The following CYP20A1 variants were observed in gnomAD, a reference collection of about 807,000 sequenced individuals.
CYP20A1 encodes cytochrome P450 family 20 subfamily A member 1.
Under a neutral mutation model 61.4 loss-of-function variants are expected in CYP20A1, and 61 were observed. The observed-to-expected ratio is 0.99, with a 90% confidence interval of 0.81 to 1.23. The LOEUF (loss-of-function observed/expected upper bound fraction) is 1.23. Among genes scored for constraint, CYP20A1 ranks in the 50% most tolerant of loss-of-function variants. CYP20A1 has a pLI of 0.00. For missense variants in CYP20A1, 530 were observed against 542.4 expected (o/e 0.98, Z 0.23); for synonymous variants, 193 against 188.2 (o/e 1.03, Z -0.21).
At position 203,251,815 on chromosome 2, in the gene CYP20A1, A is replaced by ATG. The variant is rs1553514006; in HGVS notation, c.290-151_290-150insGT. On this transcript the variant is annotated intron_variant, in intron 3 of 12. Transcript: ENST00000356079. Reference sequence around the variant, plus strand: ...TGTGTATATATATATATATATATATATAAAAAATAAAAAATAAAAACAAGG... The same window carrying ATG: ...TGTGTATATATATATATATATATATATGTAAAAAATAAAAAATAAAAACAAGG... 90 of 89,708 alleles carry ATG rather than the reference A, an allele frequency of 1.0e-3. 7 individuals carry two copies. The highest frequency in any genetic ancestry group is 1.8e-3 in the African/African-American group (55 of 30,828). The allele number at this position is 89,708 out of a possible 1,614,324, so 5.6% of individuals were successfully genotyped here.
intron 3 of CYP20A1, among the ~76,000 whole-genome samples, chr2:203,250,136 C>G (rs1207851577): frequency 6.6e-6 from 1 of 152,024 alleles, no homozygotes; most frequent in Non-Finnish European, 1.5e-5. Flanking sequence ...ATAAATTGAT[C>G]ATCACAGATG....
At chr2:203,244,388 G>A (rs920226613) in intron 1 of CYP20A1, among the ~76,000 whole-genome samples, 8 of 151,994 alleles carry the variant, frequency 5.3e-5, no homozygotes, top group African/African-American at 1.9e-4. Context: ...TTTTAGTACA[G>A]ATGGGGTTGC....
chr2:203,261,722 G>A (rs1320227743), intron 4 of CYP20A1, among the ~76,000 whole-genome samples: 1 of 151,448 alleles, frequency 6.6e-6, no homozygotes, highest in Non-Finnish European at 1.5e-5. Context: ...CAGGCTTCTT[G>A]GAGGAGCCAC....
chr2:203,246,897 C>T lies in CYP20A1; in HGVS notation c.265C>T (p.Gln89Ter), dbSNP rs763740914. ...VSLGTVDVLK[Q>*]HINPNKTSDP... is the part of the protein sequence containing the mutation. ...TTTGGGCACTGTTGATGTACTGAAG[C>T]AGCATATCAATCCCAATAAGACATG... The change falls in exon 3 of 13, where the codon CAG becomes TAG. Residue 89 changes from glutamine to a stop codon, truncating the protein, a stop_gained. Coordinates refer to ENST00000356079, the MANE Select transcript of CYP20A1 (RefSeq NM_177538.3). LOFTEE classifies it high-confidence loss of function. The T allele has an allele frequency of 1.9e-5, 31 of 1,613,402 alleles. No individual in the cohort carries two copies. Among genetic ancestry groups the T allele is most frequent in the Non-Finnish European group, 2.5e-5 (29 of 1,179,918 alleles).
intron 8 of CYP20A1, 36 bp from the exon 9 acceptor site, chr2:203,285,576 C>T (rs1402034246): frequency 2.0e-6 from 3 of 1,497,248 alleles, no homozygotes; most frequent in African/African-American, 1.4e-5. Context: ...CATGAGTTAG[C>T]TATTTTCATT....
At chr2:203,289,115 T>C (rs1449844648) in intron 9 of CYP20A1, among the ~76,000 whole-genome samples, 1 of 152,198 alleles carries the variant, frequency 6.6e-6, no homozygotes, top group African/African-American at 2.4e-5. Flanking sequence ...TCTGCTCTCA[T>C]TCTTTTTCAT....
chr2:203,270,932 A>G lies in CYP20A1; in HGVS notation c.601-1738A>G, dbSNP rs111656512. On this transcript the variant is annotated intron_variant, in intron 5 of 12. Coordinates refer to ENST00000356079, the MANE Select transcript of CYP20A1 (RefSeq NM_177538.3). ...GTTCTCGAACTCCTTAGCCCAAGCA[A>G]TCTGCCCGCCTTGACCTCCCAAAGT... 4.5e-4 allele frequency among the ~76,000 whole-genome samples: 65 copies of G among 145,016 alleles called. 1 individual carries two copies. The highest frequency in any genetic ancestry group is 3.6e-3 in the Middle Eastern group (1 of 276).
intron 8 of CYP20A1, 53 bp from the exon 9 acceptor site, chr2:203,285,559 C>T: frequency 1.4e-6 from 2 of 1,464,160 alleles, no homozygotes; most frequent in Non-Finnish European, 1.8e-6. Context: ...TTATTCTATA[C>T]CCAAGCCATG....
intron 4 of CYP20A1, among the ~76,000 whole-genome samples, chr2:203,255,341 C>T (rs909294639): frequency 3.3e-5 from 5 of 152,122 alleles, no homozygotes; most frequent in Admixed American, 6.6e-5. Context: ...TCTTTGTTAA[C>T]GTATTAAATA....
chr2:203,266,649 G>T lies in CYP20A1; in HGVS notation c.568G>T (p.Glu190Ter), dbSNP rs765377161. Reference sequence around the variant, plus strand: ...GGGTAGTACATTTGAAGATGATCAGGAAGTCATTCGCTTCCAGAAGAATCA... The same window carrying T: ...GGGTAGTACATTTGAAGATGATCAGTAAGTCATTCGCTTCCAGAAGAATCA... The part of the protein sequence containing the change: ...VMGSTFEDDQ[E>*]VIRFQKNHGT... The change falls in exon 5 of 13, where the codon GAA (glutamate) becomes TAA (stop). Residue 190 changes from glutamate to a stop codon, truncating the protein, a stop_gained. Transcript: ENST00000356079. LOFTEE classifies it high-confidence loss of function. The T allele has an allele frequency of 1.2e-6, 2 of 1,613,962 alleles. No individual in the cohort carries two copies. The highest frequency in any genetic ancestry group is 1.7e-6 in the Non-Finnish European group (2 of 1,179,936).
chr2:203,257,019 T>C (rs1460094782), intron 4 of CYP20A1, among the ~76,000 whole-genome samples: 2 of 152,102 alleles, frequency 1.3e-5, no homozygotes, highest in African/African-American at 4.8e-5. Flanking sequence ...AAGATTTTTT[T>C]TTGTTTTTTA....
At chr2:203,290,508 C>G (rs902735411) in intron 10 of CYP20A1, among the ~76,000 whole-genome samples, 3 of 152,032 alleles carry the variant, frequency 2.0e-5, no homozygotes, top group Non-Finnish European at 4.4e-5. Context: ...AAAAGTTACT[C>G]TTTCTATATT....
chr2:203,298,426 G>C lies in CYP20A1; in HGVS notation c.*1518G>C, dbSNP rs1048009370. The C allele has an allele frequency of 6.0e-6, 1 of 167,132 alleles. No homozygotes were observed. The highest frequency in any genetic ancestry group is 1.3e-5 in the Non-Finnish European group (1 of 78,120). 10.4% of individuals were successfully genotyped at this position (167,132 alleles called of 1,614,324 possible). A position where few individuals can be genotyped will look rare whatever the true frequency, so the allele number is the denominator to read the frequency against. On this transcript the variant is annotated 3_prime_UTR_variant, in exon 13 of 13. Coordinates refer to ENST00000356079, the MANE Select transcript of CYP20A1 (RefSeq NM_177538.3). ...AAAACAAAAAAGGCCGGGCTCGGTG[G>C]CTCATGCCTATAATACTTTGGGAGG...
At position 203,239,133 on chromosome 2, in the gene CYP20A1, C is replaced by A. The variant is rs2066147318; in HGVS notation, c.71C>A (p.Pro24Gln). The change falls in exon 1 of 13, where the codon CCG becomes CAG. Residue 24 changes from proline to glutamine, a missense_variant and splice_region_variant. Coordinates refer to ENST00000356079, the MANE Select transcript of CYP20A1 (RefSeq NM_177538.3). ...ALVGAVLYLY[P>Q]ASRQAAGIPG... The stretch of plus-strand genomic sequence containing the variant: ...GTGGGAGCCGTGCTCTACCTCTATC[C>A]GGTGAGCGCCGTCTTGGCTCTCTGG... 1 of 1,612,522 alleles carries A rather than the reference C, an allele frequency of 6.2e-7. No homozygotes were observed. Among genetic ancestry groups the A allele is most frequent in the African/African-American group, 1.3e-5 (1 of 74,904 alleles).
At chr2:203,294,398 G>A (rs1207627327) in intron 11 of CYP20A1, among the ~76,000 whole-genome samples, 2 of 151,760 alleles carry the variant, frequency 1.3e-5, no homozygotes, top group Non-Finnish European at 2.9e-5. Flanking sequence ...TTAGCCAGGT[G>A]TGGTGGCGCA....
At chr2:203,254,727 A>G (rs2066830602) in intron 4 of CYP20A1, among the ~76,000 whole-genome samples, 1 of 151,984 alleles carries the variant, frequency 6.6e-6, no homozygotes, top group Non-Finnish European at 1.5e-5. Flanking sequence ...AGTGGCTCAC[A>G]CCTGTAATCT....
chr2:203,293,451 A>G (rs1251210964), intron 11 of CYP20A1, among the ~76,000 whole-genome samples: 3 of 148,798 alleles, frequency 2.0e-5, no homozygotes, highest in Non-Finnish European at 4.4e-5. Flanking sequence ...TCCTGACCTC[A>G]TGATCCACCC....
At position 203,305,290 on chromosome 2, in the gene CYP20A1, T is replaced by C. The variant is rs979404663; in HGVS notation, c.*8382T>C. ...ATCTCAGCTCACTGCAACCTCCCCC[T>C]CTCAGGTTCAAGTAATTCTCCTGCC... On this transcript the variant is annotated 3_prime_UTR_variant, in exon 13 of 13. Transcript: ENST00000356079. Among the ~76,000 whole-genome samples the C allele has an allele frequency of 3.8e-4, 52 of 137,442 alleles. No homozygotes were observed. The highest frequency in any genetic ancestry group is 1.5e-4 in the Non-Finnish European group (10 of 65,638). The allele number at this position is 137,442 out of a possible 152,430, so 90.2% of individuals were successfully genotyped here.
intron 4 of CYP20A1, among the ~76,000 whole-genome samples, chr2:203,264,496 A>G (rs2067252568): frequency 6.6e-6 from 1 of 151,710 alleles, no homozygotes; most frequent in Non-Finnish European, 1.5e-5. Context: ...ATTGTTTTTC[A>G]TTATTTTACT....
Sources: allele counts gnomAD v4.1 joint callset (sites outside exome capture counted in the v4.1 genomes callset), GRCh38; gene constraint gnomAD v4.1.1; transcripts MANE v1.5; gene names NCBI Gene and HGNC (gene_info 2026-07-23, HGNC 2026-07-21).